LRRC8D: variants seen among roughly 807,000 people sequenced by gnomAD.
The protein encoded by LRRC8D is volume-regulated anion channel subunit LRRC8D.
Under a neutral mutation model 55.8 loss-of-function variants are expected in LRRC8D, and 20 were observed. The ratio of observed to expected loss-of-function variants is 0.36; its 90% CI spans 0.25 to 0.52. LRRC8D has a LOEUF of 0.52. Among genes scored for constraint, LRRC8D ranks in the 20% least tolerant of loss-of-function variants. LRRC8D has a pLI of 0.93. For synonymous variants in LRRC8D, 352 were observed against 377.0 expected, an observed-to-expected ratio of 0.93 and a Z score of 0.77; for missense variants, 651 against 1,030.8, an observed-to-expected ratio of 0.63 and a Z score of 5.05.
intron 2 of LRRC8D, among the ~76,000 whole-genome samples, chr1:89,913,394 A>C (rs1663181314): frequency 6.6e-6 from 1 of 152,210 alleles, no homozygotes; most frequent in Non-Finnish European, 1.5e-5. Context: ...CTTGGGAGGA[A>C]ATGAGTGATT....
intron 1 of LRRC8D, among the ~76,000 whole-genome samples, chr1:89,829,034 T>TCAGTCAAAATTCTCTTCA (rs1553121509): frequency 1.3e-5 from 2 of 152,188 alleles, no homozygotes; most frequent in South Asian, 2.1e-4. Context: ...TTAGATGCCG[T>TCAGTCAAAATTCTCTTCA]CAGTCAAAAT....
intron 2 of LRRC8D, among the ~76,000 whole-genome samples, chr1:89,910,605 T>C (rs1007747297): frequency 6.6e-5 from 10 of 152,176 alleles, no homozygotes; most frequent in Admixed American, 5.2e-4. Context: ...TAAAATAAGC[T>C]GAGGGGGCAG....
intron 2 of LRRC8D, chr1:89,930,013 T>C (rs1166238294): frequency 6.6e-6 from 1 of 152,250 alleles, no homozygotes; most frequent in South Asian, 2.1e-4. Flanking sequence ...GCACACCTTG[T>C]GAGAATCTAA....
At chr1:89,860,289 T>C (rs1661668648) in intron 2 of LRRC8D, among the ~76,000 whole-genome samples, 1 of 152,198 alleles carries the variant, frequency 6.6e-6, no homozygotes, top group Admixed American at 6.5e-5. Flanking sequence ...TCAATAGCAT[T>C]TTAAACTAAA....
chr1:89,821,680 C>T (rs1369349557), intron 1 of LRRC8D, among the ~76,000 whole-genome samples: 1 of 152,150 alleles, frequency 6.6e-6, no homozygotes, highest in Non-Finnish European at 1.5e-5. Flanking sequence ...CTGGTTCCTC[C>T]CGGAGGTGGG....
At chr1:89,853,027 A>G (rs1434054647) in intron 2 of LRRC8D, among the ~76,000 whole-genome samples, 1 of 152,216 alleles carries the variant, frequency 6.6e-6, no homozygotes, top group Non-Finnish European at 1.5e-5. Context: ...CAGATATGTG[A>G]AAAGAAAGCA....
intron 2 of LRRC8D, among the ~76,000 whole-genome samples, chr1:89,876,648 G>C (rs1183751664): frequency 6.6e-6 from 1 of 152,134 alleles, no homozygotes; most frequent in African/African-American, 2.4e-5. Flanking sequence ...TAGAATAAGG[G>C]TTAGTTAACC....
chr1:89,833,100 ACT>A (rs1660923496), intron 1 of LRRC8D, among the ~76,000 whole-genome samples: 1 of 151,864 alleles, frequency 6.6e-6, no homozygotes, highest in African/African-American at 2.4e-5. Flanking sequence ...TGCCCCTTGA[ACT>A]CTCTCACAAC....
At chr1:89,830,527 A>T (rs1331912361) in intron 1 of LRRC8D, among the ~76,000 whole-genome samples, 3 of 152,212 alleles carry the variant, frequency 2.0e-5, no homozygotes, top group Non-Finnish European at 1.5e-5. Context: ...TCAGAGTTGG[A>T]TACTAGCAGT....
intron 2 of LRRC8D, among the ~76,000 whole-genome samples, chr1:89,858,978 C>G (rs935040025): frequency 6.6e-6 from 1 of 152,084 alleles, no homozygotes; most frequent in African/African-American, 2.4e-5. Context: ...TCACAATACA[C>G]TGATTATTAC....
chr1:89,828,957 C>A (rs149097531), intron 1 of LRRC8D, among the ~76,000 whole-genome samples: 1 of 152,044 alleles, frequency 6.6e-6, no homozygotes, highest in African/African-American at 2.4e-5. Flanking sequence ...GGTCATTGGC[C>A]GCCAGAAAGC....
At chr1:89,913,513 A>AAGAGTAT (rs751826502) in intron 2 of LRRC8D, among the ~76,000 whole-genome samples, 46 of 152,210 alleles carry the variant, frequency 3.0e-4, no homozygotes, top group Non-Finnish European at 4.9e-4. Context: ...ATGCAGAGTT[A>AAGAGTAT]AGAGTATGTA....
chr1:89,842,068 C>T (rs563076719), intron 1 of LRRC8D, among the ~76,000 whole-genome samples: 1 of 151,980 alleles, frequency 6.6e-6, no homozygotes, highest in African/African-American at 2.4e-5. Flanking sequence ...AAAAAATTAG[C>T]TGGGCATGGT....
At chr1:89,930,078 C>G (rs571469177) in intron 2 of LRRC8D, among the ~76,000 whole-genome samples, 2 of 152,190 alleles carry the variant, frequency 1.3e-5, no homozygotes, top group Non-Finnish European at 1.5e-5. Context: ...ATCTCTCCCC[C>G]CAACCCCCAT....
chr1:89,874,700 A>T (rs943600635), intron 2 of LRRC8D, among the ~76,000 whole-genome samples: 2 of 152,162 alleles, frequency 1.3e-5, no homozygotes, highest in South Asian at 4.1e-4. Flanking sequence ...GTATTGCAAT[A>T]ATCTGAATTG....
At chr1:89,837,344 A>G (rs1372933914) in intron 1 of LRRC8D, among the ~76,000 whole-genome samples, 1 of 152,166 alleles carries the variant, frequency 6.6e-6, no homozygotes, top group Non-Finnish European at 1.5e-5. Flanking sequence ...CATTCTTGCT[A>G]CAAACTGGAA....
intron 2 of LRRC8D, among the ~76,000 whole-genome samples, chr1:89,860,119 T>G (rs1661664079): frequency 6.6e-6 from 1 of 152,188 alleles, no homozygotes; most frequent in Admixed American, 6.5e-5. Context: ...TAATGAGCCT[T>G]TTATTACTAC....
intron 2 of LRRC8D, among the ~76,000 whole-genome samples, chr1:89,863,806 T>C (rs972330233): frequency 2.0e-5 from 3 of 152,180 alleles, no homozygotes; most frequent in African/African-American, 7.2e-5. Flanking sequence ...TTTGTTCCGG[T>C]TTTTAAGTAC....
chr1:89,889,197 T>G (rs928639789), intron 2 of LRRC8D, among the ~76,000 whole-genome samples: 2 of 152,182 alleles, frequency 1.3e-5, no homozygotes, highest in Non-Finnish European at 2.9e-5. Flanking sequence ...AAACCTATAA[T>G]TTCAGGCTAA....
Sources: allele counts gnomAD v4.1 joint callset (sites outside exome capture counted in the v4.1 genomes callset), GRCh38; gene constraint gnomAD v4.1.1; transcripts MANE v1.5; gene names NCBI Gene and HGNC (gene_info 2026-07-23, HGNC 2026-07-21).